The following ADAMTSL2 variants were observed in gnomAD, a reference collection of about 807,000 sequenced individuals.
ADAMTSL2 encodes ADAMTS-like protein 2.
In ADAMTSL2, 55 loss-of-function variants were observed where a neutral mutation model predicts 117.0. The observed-to-expected ratio is 0.47, with a 90% confidence interval of 0.38 to 0.59. The LOEUF is 0.59. Ranked by LOEUF, ADAMTSL2 falls within the 20% of genes least tolerant of loss-of-function variation. ADAMTSL2 has a pLI of 0.00. For missense variants in ADAMTSL2, 1,182 were observed against 1,354.5 expected (o/e 0.87, Z 2.00); for synonymous variants, 572 against 566.4 (o/e 1.01, Z -0.14).
chr9:133,539,228 C>T (rs1420845309), intron 4 of ADAMTSL2, among the ~76,000 whole-genome samples: 1 of 152,330 alleles, frequency 6.6e-6, no homozygotes, highest in East Asian at 1.9e-4. Flanking sequence ...TGAGCTCCAG[C>T]ATGAGAGGGA....
chr9:133,551,441 C>T (rs76545549), intron 9 of ADAMTSL2, among the ~76,000 whole-genome samples: 3,508 of 152,238 alleles, frequency 0.023, 148 homozygotes, highest in African/African-American at 0.078. Context: ...GTAACACTTC[C>T]ACCTTACAAT....
In ADAMTSL2 at chr9:133,557,657, C is replaced by A. The variant is rs1239653042; in HGVS notation, c.1649+1727C>A. ...TCTTCAGCGTGGGCCCTCTTCACCT[C>A]CCAGGGCAGTCCGGGGCATTCCCTG... On this transcript the variant is annotated intron_variant, in intron 11 of 18. Coordinates refer to ENST00000651351, the MANE Select transcript of ADAMTSL2 (RefSeq NM_014694.4). This position sits in a 1 kb window ranked among gnomAD's most constrained non-coding sequence, Gnocchi z 5.2. 6.6e-6 allele frequency among the ~76,000 whole-genome samples: 1 copy of A among 152,194 alleles called. No homozygotes were observed. The highest frequency in any genetic ancestry group is 6.5e-5 in the Admixed American group (1 of 15,278).
intron 13 of ADAMTSL2, 27 bp from the exon 14 acceptor site, chr9:133,568,246 A>G: frequency 3.2e-6 from 5 of 1,547,142 alleles, no homozygotes; most frequent in Non-Finnish European, 4.4e-6. Context: ...GGGGGGGATC[A>G]TTGAAGGCCA....
Position 133,575,315 on chromosome 9 carries a change from G to GT in ADAMTSL2, c.*451_*452insT. 4.7e-6 allele frequency: 1 copy of GT among 212,932 alleles called. No individual in the cohort carries two copies. The highest frequency in any genetic ancestry group is 7.6e-5 in the South Asian group (1 of 13,154). The allele number at this position is 212,932 out of a possible 1,614,324, so 13.2% of individuals were successfully genotyped here. On this transcript the variant is annotated 3_prime_UTR_variant, in exon 19 of 19. Transcript: ENST00000651351. ...GGCCTTCCTCCCTCAGAGGCCATGG[G>GT]GTGAGAGGGGCTCAGGCAGCCAAGG...
At chr9:133,567,490 T>G (rs1441666382) in intron 13 of ADAMTSL2, among the ~76,000 whole-genome samples, 2 of 152,194 alleles carry the variant, frequency 1.3e-5, no homozygotes, top group African/African-American at 4.8e-5. Context: ...TCCTGCCTTG[T>G]GGATGCAGTC....
chr9:133,542,098 C>T (rs957790878), intron 7 of ADAMTSL2, among the ~76,000 whole-genome samples: 6 of 152,164 alleles, frequency 3.9e-5, no homozygotes, highest in Non-Finnish European at 7.3e-5. Context: ...GAGGACCCGA[C>T]CGTGTCTTGA....
At position 133,561,237 on chromosome 9, in the gene ADAMTSL2, G is replaced by A. The variant is rs1010138421; in HGVS notation, c.1689G>A (p.Ala563=). 6.2e-6 allele frequency: 10 copies of A among 1,608,422 alleles called. No individual in the cohort carries two copies. Among genetic ancestry groups the A allele is most frequent in the African/African-American group, 1.3e-5 (1 of 74,912 alleles). Residue 563 remains alanine, a synonymous_variant, in exon 12 of 19, where the codon GCG becomes GCA. Transcript: ENST00000651351. ...CGCGCAAGCAAGGCGTGAGTCCCGC[G>A]GACATGTACCGGTGGAAGCTCTCGT... ...PKARKQGVSP[A]DMYRWKLSSH... is the part of the protein sequence containing the mutation.
Position 133,567,048 on chromosome 9 carries a change from G to T in ADAMTSL2, c.1860G>T (p.Arg620Ser). 1 of 1,608,856 alleles carries T rather than the reference G, an allele frequency of 6.2e-7. No individual in the cohort carries two copies. The highest frequency in any genetic ancestry group is 2.2e-5 in the East Asian group (1 of 44,872). ...CTGTCCACGAGTTCTGCGCTGGGAG[G>T]GAGTGCCAGCCCAGGTACCTGCCAC... is the stretch of plus-strand genomic sequence containing the variant. ...PEPVHEFCAG[R>S]ECQPRWETSS... Residue 620 changes from arginine to serine, a missense_variant, in exon 13 of 19, where the codon AGG (arginine) becomes AGT (serine). Physicochemically the swap from Arg to Ser is moderately radical, Grantham distance 110. Transcript: ENST00000651351.
chr9:133,555,459 T>C, intron 10 of ADAMTSL2, 99 bp from the exon 11 acceptor site: 1 of 1,487,186 alleles, frequency 6.7e-7, no homozygotes, highest in Non-Finnish European at 9.3e-7. Flanking sequence ...TGGTTCAGCT[T>C]GGTGTTTCTG....
intron 12 of ADAMTSL2, among the ~76,000 whole-genome samples, chr9:133,565,917 G>T (rs1339535719): frequency 1.3e-5 from 2 of 151,918 alleles, no homozygotes; most frequent in Non-Finnish European, 2.9e-5. Flanking sequence ...CCCCAAGGCC[G>T]TTCCCACTGC....
rs1830256654 is a variant in ADAMTSL2, at chr9:133,542,785, A to T, written c.683-1685A>T. Among the ~76,000 whole-genome samples the T allele has an allele frequency of 2.6e-5, 4 of 152,188 alleles. No homozygotes were observed. The South Asian group carries it at 8.3e-4, about 31-fold the overall frequency. ...TGAGCCACACTCTTTCCCCGGACGAACTGTGCTTGGTAACCACGCTGGGGG... is the reference window on the plus strand; with the variant it reads ...TGAGCCACACTCTTTCCCCGGACGATCTGTGCTTGGTAACCACGCTGGGGG... On this transcript the variant is annotated intron_variant, in intron 7 of 18. Coordinates refer to ENST00000651351, the MANE Select transcript of ADAMTSL2 (RefSeq NM_014694.4).
At chr9:133,570,215 A>G (rs1461065172) in intron 16 of ADAMTSL2, 116 bp from the exon 17 acceptor site, 5 of 1,165,572 alleles carry the variant, frequency 4.3e-6, no homozygotes, top group African/African-American at 1.5e-5. Flanking sequence ...TATGCACTGG[A>G]GCATTCTCAC....
In ADAMTSL2 at chr9:133,537,512, G is replaced by A. The variant is rs371831041; in HGVS notation, c.198G>A (p.Gly66=). The A allele has an allele frequency of 6.2e-5, 84 of 1,352,566 alleles. No homozygotes were observed. In the African/African-American group the frequency reaches 1.2e-3, roughly 19 times the overall value. The allele number at this position is 1,352,566 out of a possible 1,614,324, so 83.8% of individuals were successfully genotyped here. A position where few individuals can be genotyped will look rare whatever the true frequency, so the allele number is the denominator to read the frequency against. The change falls in exon 3 of 19, where the codon GGG becomes GGA. Residue 66 remains glycine (G), a synonymous_variant. Transcript: ENST00000651351. ...WTACSRSCGG[G]VTSQERHCLQ... is the part of the protein sequence containing the mutation. ...CGTGTTCCCGCAGTTGCGGGGGTGGGGTGACATCCCAGGAGCGGCACTGCC... is the reference window on the plus strand; with the variant it reads ...CGTGTTCCCGCAGTTGCGGGGGTGGAGTGACATCCCAGGAGCGGCACTGCC...
At chr9:133,546,950 A>G in intron 8 of ADAMTSL2, 88 bp from the exon 9 acceptor site, 1 of 1,356,708 alleles carries the variant, frequency 7.4e-7, no homozygotes, top group Non-Finnish European at 1.1e-6. Flanking sequence ...TCTGGAGGGC[A>G]GGGCTGGTGG....
intron 12 of ADAMTSL2, among the ~76,000 whole-genome samples, chr9:133,565,524 A>C (rs1319925851): frequency 6.6e-6 from 1 of 152,216 alleles, no homozygotes; most frequent in Non-Finnish European, 1.5e-5. Flanking sequence ...CTGGCCGGGA[A>C]GCCAGCCTCC....
chr9:133,560,075 C>T (rs1165769760), intron 11 of ADAMTSL2, among the ~76,000 whole-genome samples: 1 of 152,236 alleles, frequency 6.6e-6, no homozygotes, highest in African/African-American at 2.4e-5. Context: ...AATCCAAACC[C>T]ATGTCTGTAT....
At chr9:133,562,821 T>G (rs1588300673) in intron 12 of ADAMTSL2, among the ~76,000 whole-genome samples, 2 of 102,222 alleles carry the variant, frequency 2.0e-5, no homozygotes, top group African/African-American at 8.2e-5. Flanking sequence ...CGCACCGCTG[T>G]GGGCGGCGTG....
chr9:133,537,630 G>C (rs1830083944), intron 3 of ADAMTSL2, 83 bp downstream of exon 3: 1 of 1,273,714 alleles, frequency 7.9e-7, no homozygotes, highest in African/African-American at 1.5e-5. Flanking sequence ...TCTTCAGCCT[G>C]GTGGCTTCTC....
intron 2 of ADAMTSL2, 72 bp from the exon 3 acceptor site, chr9:133,537,333 G>A: frequency 7.6e-7 from 1 of 1,313,970 alleles, no homozygotes; most frequent in Non-Finnish European, 9.8e-7. Context: ...ATACCCTCGG[G>A]CATGGGGTGG....
Sources: allele counts gnomAD v4.1 joint callset (sites outside exome capture counted in the v4.1 genomes callset), GRCh38; gene constraint gnomAD v4.1.1; non-coding constraint Gnocchi (gnomAD v3.1); transcripts MANE v1.5; gene names NCBI Gene and HGNC (gene_info 2026-07-23, HGNC 2026-07-21).